MTSS1: variants seen among roughly 807,000 people sequenced by gnomAD.
MTSS1 encodes the protein MTSS I-BAR domain containing 1.
In MTSS1, 18 loss-of-function variants were observed where a neutral mutation model predicts 79.0. The ratio of observed to expected loss-of-function variants is 0.23; its 90% CI spans 0.16 to 0.34. MTSS1 has a LOEUF of 0.34. Ranked by LOEUF, MTSS1 falls within the 10% of genes least tolerant of loss-of-function variation. The pLI is 1.00. For missense variants in MTSS1, 815 were observed against 986.2 expected, an observed-to-expected ratio of 0.83 and a Z score of 2.33; for synonymous variants, 341 against 368.6, an observed-to-expected ratio of 0.93 and a Z score of 0.86.
chr8:124,608,139 C>G (rs1050466753), intron 3 of MTSS1, among the ~76,000 whole-genome samples: 1 of 151,942 alleles, frequency 6.6e-6, no homozygotes, highest in Non-Finnish European at 1.5e-5. Flanking sequence ...CCTCTGAGAG[C>G]TGGTCACATC....
intron 6 of MTSS1, among the ~76,000 whole-genome samples, chr8:124,573,455 G>A (rs1036045555): frequency 1.3e-5 from 2 of 152,198 alleles, no homozygotes; most frequent in Admixed American, 6.5e-5. Context: ...TTTGATTGAC[G>A]TCAGTCTCCC....
intron 3 of MTSS1, among the ~76,000 whole-genome samples, chr8:124,616,829 G>A (rs1405139345): frequency 1.3e-5 from 2 of 152,312 alleles, no homozygotes; most frequent in East Asian, 1.9e-4. Context: ...TACCTACTGC[G>A]CTAAGGAGGC....
intron 4 of MTSS1, among the ~76,000 whole-genome samples, chr8:124,590,616 G>C (rs138461526): frequency 9.5e-4 from 145 of 152,302 alleles, no homozygotes; most frequent in African/African-American, 3.3e-3. Context: ...ATGCTGATCT[G>C]CTTGGAAAGC....
chr8:124,643,911 G>A (rs556195923), intron 3 of MTSS1, among the ~76,000 whole-genome samples: 29 of 152,196 alleles, frequency 1.9e-4, no homozygotes, highest in Non-Finnish European at 2.6e-4. Context: ...TTGAAATTCT[G>A]TGCAAGTAAT....
At chr8:124,691,657 A>G (rs1244292437) in intron 3 of MTSS1, among the ~76,000 whole-genome samples, 1 of 152,084 alleles carries the variant, frequency 6.6e-6, no homozygotes. Flanking sequence ...CTGGGACTAC[A>G]GATGCCCGCC....
chr8:124,599,673 C>G (rs1037829189), intron 3 of MTSS1, among the ~76,000 whole-genome samples: 2 of 151,954 alleles, frequency 1.3e-5, no homozygotes, highest in Admixed American at 6.6e-5. Context: ...CAAAAACTTA[C>G]CTATTGAGGT....
chr8:124,684,598 G>C (rs1344539714), intron 3 of MTSS1, among the ~76,000 whole-genome samples: 1 of 152,192 alleles, frequency 6.6e-6, no homozygotes, highest in Non-Finnish European at 1.5e-5. Flanking sequence ...TATTTGACCT[G>C]CTACATGTAT....
At chr8:124,652,795 A>AAT (rs1491111640) in intron 3 of MTSS1, among the ~76,000 whole-genome samples, 12 of 78,700 alleles carry the variant, frequency 1.5e-4, no homozygotes, top group African/African-American at 1.2e-3. Context: ...ACTCCGTCTC[A>AAT]AAAAAAAAAA....
intron 3 of MTSS1, among the ~76,000 whole-genome samples, chr8:124,690,582 A>G (rs1413333922): frequency 6.6e-6 from 1 of 152,268 alleles, no homozygotes; most frequent in Non-Finnish European, 1.5e-5. Context: ...CTGGTTGACC[A>G]CAATGAACAA....
At chr8:124,682,274 C>G (rs546723724) in intron 3 of MTSS1, among the ~76,000 whole-genome samples, 1 of 152,284 alleles carries the variant, frequency 6.6e-6, no homozygotes, top group East Asian at 1.9e-4. Context: ...TCAACTTGTG[C>G]CCACCCCCAT....
rs1013705538 is a variant in MTSS1, at chr8:124,585,091, T to C, written c.456A>G (p.Lys152=). 2 of 1,612,344 alleles carry C rather than the reference T, an allele frequency of 1.2e-6. No homozygotes were observed. Among genetic ancestry groups the C allele is most frequent in the East Asian group, 4.5e-5 (2 of 44,870 alleles). The change falls in exon 6 of 14, where the codon AAA becomes AAG. Residue 152 remains lysine, a synonymous_variant. Transcript: ENST00000518547. The part of the protein sequence containing the change: ...SDTLKLQKKA[K]KGRGDIQPQL... ...TGGCAGAATTTTAGGAGTTACCTTT[T>C]TTTGCTTTCTTCTGCAGTTTCAGCG... is the stretch of plus-strand genomic sequence containing the variant.
At chr8:124,586,653 C>T (rs952894939) in intron 5 of MTSS1, among the ~76,000 whole-genome samples, 9 of 152,094 alleles carry the variant, frequency 5.9e-5, no homozygotes, top group Non-Finnish European at 1.0e-4. Flanking sequence ...AAGGCTGAAT[C>T]GAAAAGATGA....
chr8:124,602,211 T>C (rs913930433), intron 3 of MTSS1, among the ~76,000 whole-genome samples: 2 of 84,468 alleles, frequency 2.4e-5, no homozygotes, highest in Non-Finnish European at 4.1e-5. Flanking sequence ...ATATATAATT[T>C]TTTTTTGAGA....
chr8:124,680,789 T>A (rs1826005165), intron 3 of MTSS1, among the ~76,000 whole-genome samples: 1 of 152,260 alleles, frequency 6.6e-6, no homozygotes, highest in Admixed American at 6.5e-5. Flanking sequence ...TGAAGGACAC[T>A]CCTCTTAGGC....
At chr8:124,650,043 T>C (rs528227982) in intron 3 of MTSS1, among the ~76,000 whole-genome samples, 120 of 151,042 alleles carry the variant, frequency 7.9e-4, no homozygotes, top group African/African-American at 2.5e-3. Flanking sequence ...TTTTTTTTTT[T>C]CCCTCGAGAT....
chr8:124,687,147 G>T (rs903938135), intron 3 of MTSS1, among the ~76,000 whole-genome samples: 1 of 152,208 alleles, frequency 6.6e-6, no homozygotes, highest in East Asian at 1.9e-4. Context: ...AAACACAAAC[G>T]CCAGAGCGAT....
chr8:124,599,856 A>C (rs1305027795), intron 3 of MTSS1, among the ~76,000 whole-genome samples: 2 of 152,152 alleles, frequency 1.3e-5, no homozygotes, highest in Non-Finnish European at 2.9e-5. Flanking sequence ...GCTAATCTAG[A>C]GTCTTAGCAG....
chr8:124,726,093 T>C (rs1472224732), intron 1 of MTSS1, among the ~76,000 whole-genome samples: 1 of 152,336 alleles, frequency 6.6e-6, no homozygotes, highest in African/African-American at 2.4e-5. Flanking sequence ...CCGCCGTGAC[T>C]GGGCATTAAA....
At chr8:124,566,449 C>T (rs748369508) in intron 8 of MTSS1, among the ~76,000 whole-genome samples, 3 of 152,116 alleles carry the variant, frequency 2.0e-5, no homozygotes, top group East Asian at 1.9e-4. Flanking sequence ...TCCAAGGAGA[C>T]GAAAAGATTG....
Sources: gnomAD v4.1 joint callset for allele counts (sites outside exome capture counted in the v4.1 genomes callset) on GRCh38, gnomAD v4.1.1 for gene constraint, MANE v1.5 for transcripts, NCBI Gene and HGNC (gene_info 2026-07-23, HGNC 2026-07-21) for gene names.